STXBP5L: variants seen among roughly 807,000 people sequenced by gnomAD.
STXBP5L encodes syntaxin-binding protein 5-like.
A neutral mutation model predicts 144.5 loss-of-function variants in STXBP5L; 65 were observed. The ratio of observed to expected loss-of-function variants is 0.45; its 90% CI spans 0.37 to 0.55. STXBP5L has a LOEUF of 0.55. STXBP5L is among the 20% of genes least tolerant of loss of function. The probability of loss-of-function intolerance (pLI) is 0.00; values close to 1 mark genes in which losing one functional copy is unlikely to be tolerated. For synonymous variants in STXBP5L, 505 were observed against 469.6 expected (o/e 1.08, Z -0.97); for missense variants, 1,298 against 1,405.5 (o/e 0.92, Z 1.22).
chr3:121,328,025 A>G (rs2044206326), intron 20 of STXBP5L, among the ~76,000 whole-genome samples: 1 of 152,226 alleles, frequency 6.6e-6, no homozygotes, highest in Admixed American at 6.5e-5. Flanking sequence ...GAGAAAATAA[A>G]TAAGCCCGTT....
chr3:121,250,095 T>G (rs1654047357), intron 14 of STXBP5L, among the ~76,000 whole-genome samples: 1 of 152,082 alleles, frequency 6.6e-6, no homozygotes. Flanking sequence ...GTATTGCCAA[T>G]ATTTTGTTGA....
chr3:121,319,826 G>T (rs1208249829), intron 20 of STXBP5L, among the ~76,000 whole-genome samples: 1 of 151,978 alleles, frequency 6.6e-6, no homozygotes, highest in Non-Finnish European at 1.5e-5. Context: ...TTCAAATTTT[G>T]TTATAGCTGG....
chr3:120,957,603 G>A (rs568617922), intron 3 of STXBP5L, among the ~76,000 whole-genome samples: 37 of 152,024 alleles, frequency 2.4e-4, no homozygotes, highest in African/African-American at 8.7e-4. Flanking sequence ...TTTCTTAAGA[G>A]TTTGAGTAGA....
At chr3:121,241,300 A>G (rs1182174786) in intron 14 of STXBP5L, among the ~76,000 whole-genome samples, 1 of 152,124 alleles carries the variant, frequency 6.6e-6, no homozygotes, top group Non-Finnish European at 1.5e-5. Flanking sequence ...TAGAATGAAG[A>G]AAGTGGCAGT....
At chr3:121,313,940 G>A (rs1372210717) in intron 19 of STXBP5L, among the ~76,000 whole-genome samples, 18 of 149,312 alleles carry the variant, frequency 1.2e-4, no homozygotes, top group South Asian at 8.7e-4. Flanking sequence ...CAGCAGAAGC[G>A]CTCCTCACAT....
intron 22 of STXBP5L, among the ~76,000 whole-genome samples, chr3:121,393,682 G>A (rs2046654115): frequency 6.6e-6 from 1 of 152,106 alleles, no homozygotes; most frequent in Non-Finnish European, 1.5e-5. Context: ...CATTTATTAA[G>A]TAAGATGTTC....
chr3:121,093,677 G>A (rs1399873356), intron 5 of STXBP5L, among the ~76,000 whole-genome samples: 1 of 151,472 alleles, frequency 6.6e-6, no homozygotes, highest in Non-Finnish European at 1.5e-5. Flanking sequence ...TTCTTTATTA[G>A]TCTTGCTAGC....
chr3:121,003,435 G>A (rs536917571), intron 3 of STXBP5L, among the ~76,000 whole-genome samples: 1 of 152,184 alleles, frequency 6.6e-6, no homozygotes, highest in African/African-American at 2.4e-5. Flanking sequence ...TGAGTTCATT[G>A]TAGATTCTGG....
chr3:120,989,477 G>T (rs148346628), intron 3 of STXBP5L, among the ~76,000 whole-genome samples: 2 of 152,102 alleles, frequency 1.3e-5, no homozygotes, highest in Non-Finnish European at 2.9e-5. Flanking sequence ...TCTTTAATGG[G>T]TTTGCTTTTT....
chr3:121,299,508 A>G (rs2051800792), intron 19 of STXBP5L, among the ~76,000 whole-genome samples: 1 of 152,160 alleles, frequency 6.6e-6, no homozygotes, highest in Admixed American at 6.5e-5. Context: ...ATTGCACAGC[A>G]CTAGGAACTA....
intron 5 of STXBP5L, among the ~76,000 whole-genome samples, chr3:121,065,101 A>G (rs921483387): frequency 5.9e-5 from 9 of 151,312 alleles, no homozygotes; most frequent in Non-Finnish European, 1.2e-4. Context: ...ATAGTATTCT[A>G]TGGTGTATAT....
rs984065601 is a variant in STXBP5L, at chr3:120,909,515, T to C, written c.-8-56T>C. 2.0e-6 allele frequency: 3 copies of C among 1,473,114 alleles called. No homozygotes were observed. The African/African-American group carries it at 4.2e-5, about 21-fold the overall frequency. The allele number at this position is 1,473,114 out of a possible 1,614,324, so 91.3% of individuals were successfully genotyped here. A position where few individuals can be genotyped will look rare whatever the true frequency, so the allele number is the denominator to read the frequency against. ...AAAGAGAAAGGCTTTTACCAAGGTC[T>C]AATTGCACGTGTTAAGTCACCTCTT... On this transcript the variant is annotated intron_variant, in intron 1 of 26. Coordinates refer to ENST00000471454, the MANE Select transcript of STXBP5L (RefSeq NM_001308330.2).
chr3:120,975,281 A>C (rs1218664124), intron 3 of STXBP5L, among the ~76,000 whole-genome samples: 3 of 152,178 alleles, frequency 2.0e-5, no homozygotes, highest in African/African-American at 7.2e-5. Flanking sequence ...TTGGATTCCT[A>C]GGTGTTTTAT....
At chr3:121,143,619 T>C (rs1418868634) in intron 7 of STXBP5L, among the ~76,000 whole-genome samples, 1 of 151,794 alleles carries the variant, frequency 6.6e-6, no homozygotes, top group African/African-American at 2.4e-5. Context: ...TATAGACCAA[T>C]GGAACAGAAT....
At chr3:120,980,449 A>G (rs1576559178) in intron 3 of STXBP5L, among the ~76,000 whole-genome samples, 1 of 135,006 alleles carries the variant, frequency 7.4e-6, no homozygotes, top group Non-Finnish European at 1.6e-5. Flanking sequence ...TTATCACCAT[A>G]TAATGTCCTG....
rs530627597 is a variant in STXBP5L at position 121,275,561 on chromosome 3, C to T, written c.1959-4244C>T. 3.3e-5 allele frequency among the ~76,000 whole-genome samples: 5 copies of T among 152,172 alleles called. No homozygotes were observed. In the East Asian group the frequency reaches 7.7e-4, roughly 24 times the overall value. ...GTTCAGTGAAGGAGGTTCACAGTGT[C>T]GCTTACAAATTCTATATCCCTACTG... On this transcript the variant is annotated intron_variant, in intron 18 of 26. Transcript: ENST00000471454.
At position 121,041,828 on chromosome 3, in the gene STXBP5L, A is replaced by G. The variant is rs367765773; in HGVS notation, c.369+47A>G. ...CTTAAATCACACACTCCCCCACTAC[A>G]CAGTGAATCAGTTAATGTAATCTTT... On this transcript the variant is annotated intron_variant, in intron 4 of 26. Coordinates refer to ENST00000471454, the MANE Select transcript of STXBP5L (RefSeq NM_001308330.2). 6.6e-6 allele frequency: 8 copies of G among 1,211,418 alleles called. No individual in the cohort carries two copies. In the African/African-American group the frequency reaches 1.2e-4, roughly 18 times the overall value. The allele number at this position is 1,211,418 out of a possible 1,614,324, so 75.0% of individuals were successfully genotyped here. A position where few individuals can be genotyped will look rare whatever the true frequency, so the allele number is the denominator to read the frequency against.
chr3:120,927,451 A>T (rs1345426824), intron 2 of STXBP5L, among the ~76,000 whole-genome samples: 3 of 152,164 alleles, frequency 2.0e-5, no homozygotes, highest in African/African-American at 7.2e-5. Flanking sequence ...GTCATCAGGG[A>T]TATTTCTTAC....
intron 9 of STXBP5L, among the ~76,000 whole-genome samples, chr3:121,195,079 C>T (rs2047866487): frequency 1.3e-5 from 2 of 151,952 alleles, no homozygotes; most frequent in Non-Finnish European, 2.9e-5. Context: ...CCATGCCCAG[C>T]TAATTTTTGT....
Sources: allele counts gnomAD v4.1 joint callset (sites outside exome capture counted in the v4.1 genomes callset), GRCh38; gene constraint gnomAD v4.1.1; transcripts MANE v1.5; gene names NCBI Gene and HGNC (gene_info 2026-07-23, HGNC 2026-07-21).